Variants in SP140 observed in about 807,000 individuals in gnomAD.
The protein encoded by SP140 is SP140 nuclear body protein, also known as nuclear body protein SP140.
Under a neutral mutation model 125.0 loss-of-function variants are expected in SP140, and 81 were observed. The observed-to-expected ratio is 0.65, with a 90% CI of 0.54 to 0.78. The LOEUF is 0.78. Ranked by LOEUF, SP140 falls within the 30% of genes least tolerant of loss-of-function variation. The pLI, the probability that SP140 is intolerant of heterozygous loss-of-function variation, is 0.00. For missense variants in SP140, 858 were observed against 1,037.0 expected (o/e 0.83, Z 2.37); for synonymous variants, 312 against 354.0 (o/e 0.88, Z 1.33).
chr2:230,259,770 T>G (rs1296667131), intron 12 of SP140, among the ~76,000 whole-genome samples: 3 of 67,290 alleles, frequency 4.5e-5, no homozygotes, highest in Non-Finnish European at 1.1e-4. Context: ...TAGTATTCCA[T>G]CATATATATA....
chr2:230,308,366 T>G (rs891719114), intron 22 of SP140, among the ~76,000 whole-genome samples: 1 of 151,996 alleles, frequency 6.6e-6, no homozygotes, highest in Non-Finnish European at 1.5e-5. Flanking sequence ...AAAAACCACC[T>G]GTTCCCCCAA....
chr2:230,235,843 G>C (rs2047896077), intron 1 of SP140, among the ~76,000 whole-genome samples: 1 of 148,430 alleles, frequency 6.7e-6, no homozygotes, highest in Non-Finnish European at 1.5e-5. Context: ...TGTTGGACCA[G>C]AGAAAGAGTG....
chr2:230,240,967 A>G (rs1251385108), intron 3 of SP140, among the ~76,000 whole-genome samples: 1 of 152,218 alleles, frequency 6.6e-6, no homozygotes. Flanking sequence ...CTATTCAGCA[A>G]TAAAAAGAAT....
the SP140 span, among the ~76,000 whole-genome samples, chr2:230,194,497 A>G: frequency 2.6e-5 from 4 of 152,072 alleles, no homozygotes; most frequent in Non-Finnish European, 5.9e-5. Context: ...CAGAAAGGGA[A>G]GAGGGAGAGA....
chr2:230,210,399 C>T (rs544499923), intron 1 of SP140, among the ~76,000 whole-genome samples: 6 of 152,280 alleles, frequency 3.9e-5, no homozygotes, highest in South Asian at 2.1e-4. Flanking sequence ...AAGCTGAGAG[C>T]GGAAAGTGGT....
At chr2:230,253,103 A>C (rs183108884) in intron 10 of SP140, among the ~76,000 whole-genome samples, 1 of 152,318 alleles carries the variant, frequency 6.6e-6, no homozygotes, top group East Asian at 1.9e-4. Flanking sequence ...TGGAGAGAAG[A>C]TCAGACAATC....
chr2:230,306,281 C>A (rs1037633353), intron 22 of SP140, among the ~76,000 whole-genome samples: 2 of 152,320 alleles, frequency 1.3e-5, no homozygotes, highest in East Asian at 3.9e-4. Flanking sequence ...AAGGTGCAGC[C>A]GAGACTCACA....
intron 15 of SP140, among the ~76,000 whole-genome samples, chr2:230,280,093 T>A (rs1462040227): frequency 1.3e-5 from 2 of 152,192 alleles, no homozygotes; most frequent in East Asian, 3.8e-4. Flanking sequence ...CATAGTAATT[T>A]AAATTTTATT....
intron 12 of SP140, among the ~76,000 whole-genome samples, chr2:230,266,321 CA>C (rs1189826095): frequency 6.6e-6 from 1 of 151,892 alleles, no homozygotes; most frequent in Non-Finnish European, 1.5e-5. Flanking sequence ...CATTTTTGCC[CA>C]ACTCAATGAA....
chr2:230,309,795 A>T, intron 22 of SP140, 129 bp from the exon 23 acceptor site: 1 of 866,914 alleles, frequency 1.2e-6, no homozygotes, highest in Non-Finnish European at 1.8e-6. Context: ...TTTTTCCTTC[A>T]TATCCCAGGG....
At chr2:230,204,129 G>T (rs2043492691) in intron 1 of SP140, among the ~76,000 whole-genome samples, 1 of 152,206 alleles carries the variant, frequency 6.6e-6, no homozygotes, top group Admixed American at 6.5e-5. Flanking sequence ...AATACAATAT[G>T]AAGAAAGGCA....
intron 12 of SP140, among the ~76,000 whole-genome samples, chr2:230,257,017 T>C (rs959895464): frequency 1.3e-5 from 2 of 152,192 alleles, no homozygotes; most frequent in Non-Finnish European, 1.5e-5. Flanking sequence ...GGGTGTTTGA[T>C]AAGACCCAAG....
intron 3 of SP140, 132 bp downstream of exon 3, chr2:230,238,513 A>G: frequency 1.1e-6 from 1 of 918,142 alleles, no homozygotes. Flanking sequence ...GGGGGAATAT[A>G]ATGATGAAAA....
intron 1 of SP140, among the ~76,000 whole-genome samples, chr2:230,235,939 C>G (rs1159698349): frequency 2.1e-5 from 3 of 139,642 alleles, no homozygotes; most frequent in Non-Finnish European, 4.5e-5. Flanking sequence ...TGCAGTGGCA[C>G]GATCTCAGCT....
In SP140 at chr2:230,305,046, A is replaced by T. The variant is rs147503937; in HGVS notation, c.2059-4878A>T. Reference sequence around the variant, plus strand: ...ATATCCAGAATCTACAAGGAACTCAAAGCAATCAGCAAGAAAAAATCAAAT... The same window carrying T: ...ATATCCAGAATCTACAAGGAACTCATAGCAATCAGCAAGAAAAAATCAAAT... On this transcript the variant is annotated intron_variant, in intron 22 of 26. Coordinates refer to ENST00000392045, the MANE Select transcript of SP140 (RefSeq NM_007237.5). Among the ~76,000 whole-genome samples the T allele has an allele frequency of 1.6e-4, 25 of 152,382 alleles. No individual in the cohort carries two copies. The East Asian group carries it at 4.8e-3, about 29-fold the overall frequency.
At chr2:230,212,539 G>A (rs574652841) in intron 1 of SP140, 2 of 1,073,992 alleles carry the variant, frequency 1.9e-6, no homozygotes, top group South Asian at 2.5e-5. Flanking sequence ...CAAGGGCAGA[G>A]GGTTGGAATG....
At position 230,243,795 on chromosome 2, in the gene SP140, G is replaced by A. The variant is rs1457674123; in HGVS notation, c.555G>A (p.Ser185=). Residue 185 remains serine, a synonymous_variant, in exon 5 of 27, where the codon TCG becomes TCA. Transcript: ENST00000392045. ...IAVPQEALSS[S]PRCEPGFSSE... is the part of the protein sequence containing the mutation. ...TGCCTCAGGAAGCCTTGAGCTCCTC[G>A]CCAAGGTGTGAGCCAGGTAAGGAAG... 7 of 1,612,022 alleles carry A rather than the reference G, an allele frequency of 4.3e-6. No individual in the cohort carries two copies. The highest frequency in any genetic ancestry group is 4.0e-5 in the African/African-American group (3 of 74,924).
At position 230,255,514 on chromosome 2, in the gene SP140, C is replaced by G; in HGVS notation, c.1222C>G (p.Leu408Val). The part of the protein sequence containing the change: ...GEERQEASSS[L>V]ARRGSVSSEL... ...AGAGCGCCAGGAAGCCTCTAGCTCCCTAGCAAGACGTGGGTCAGGTAAGGA... is the reference window on the plus strand; with the variant it reads ...AGAGCGCCAGGAAGCCTCTAGCTCCGTAGCAAGACGTGGGTCAGGTAAGGA... Residue 408 changes from leucine (L) to valine (V), a missense_variant, in exon 12 of 27, where the codon CTA becomes GTA. Physicochemically the swap from Leu to Val is conservative, Grantham distance 32. This residue lies in a region of SP140 where 791 missense variants were observed against 869.5 expected (regional missense o/e 0.91). Transcript: ENST00000392045. 6.2e-7 allele frequency: 1 copy of G among 1,607,680 alleles called. No individual in the cohort carries two copies. Among genetic ancestry groups the G allele is most frequent in the South Asian group, 1.1e-5 (1 of 90,646 alleles).
At chr2:230,264,346 C>T (rs1250258050) in intron 12 of SP140, among the ~76,000 whole-genome samples, 2 of 152,112 alleles carry the variant, frequency 1.3e-5, no homozygotes, top group African/African-American at 4.8e-5. Context: ...TTTAAGCTAT[C>T]TATTTGCTTG....
Sources: gnomAD v4.1 joint callset for allele counts (sites outside exome capture counted in the v4.1 genomes callset) on GRCh38, gnomAD v4.1.1 for gene constraint, gnomAD v4.1.1 regional missense constraint, MANE v1.5 for transcripts, NCBI Gene and HGNC (gene_info 2026-07-23, HGNC 2026-07-21) for gene names.